The following LAMC2 variants were observed in gnomAD, a reference collection of about 807,000 sequenced individuals.
LAMC2 encodes laminin subunit gamma-2.
LAMC2 carries 97 observed loss-of-function variants against 140.2 expected under a neutral mutation model. That is an observed-to-expected ratio of 0.69 (90% confidence interval 0.59 to 0.82). The LOEUF is 0.82. Among genes scored for constraint, LAMC2 ranks in the 40% least tolerant of loss-of-function variants. LAMC2 has a pLI of 0.00. For synonymous variants in LAMC2, 513 were observed against 540.2 expected (o/e 0.95, Z 0.70); for missense variants, 1,402 against 1,476.1 (o/e 0.95, Z 0.82).
At chr1:183,191,687 G>A (rs111563298) in intron 1 of LAMC2, among the ~76,000 whole-genome samples, 3,256 of 152,082 alleles carry the variant, frequency 0.021, 98 homozygotes, top group African/African-American at 0.073. Flanking sequence ...GTGAAACCCT[G>A]TCTCTACTAA....
At position 183,220,912 on chromosome 1, in the gene LAMC2, C is replaced by T. The variant is rs2102219984; in HGVS notation, c.591C>T (p.Arg197=). 5 of 1,614,048 alleles carry T rather than the reference C, an allele frequency of 3.1e-6. No individual in the cohort carries two copies. The highest frequency in any genetic ancestry group is 4.2e-6 in the Non-Finnish European group (5 of 1,179,888). The part of the protein sequence containing the change: ...CFCYGHSASC[R]SSAEYSVHKI... ...GCTATGGGCATTCAGCCAGCTGCCG[C>T]AGCTCTGCAGAATACAGTGTCCATA... Residue 197 remains arginine (R), a synonymous_variant, in exon 5 of 23, where the codon CGC becomes CGT. Coordinates refer to ENST00000264144, the MANE Select transcript of LAMC2 (RefSeq NM_005562.3).
At chr1:183,205,800 G>C (rs1005419619) in intron 1 of LAMC2, among the ~76,000 whole-genome samples, 2 of 135,928 alleles carry the variant, frequency 1.5e-5, no homozygotes, top group African/African-American at 4.9e-5. Flanking sequence ...AAAGAGAGTA[G>C]GGGTGTGTGT....
chr1:183,206,516 G>A (rs1010882892), intron 1 of LAMC2, among the ~76,000 whole-genome samples: 9 of 152,108 alleles, frequency 5.9e-5, no homozygotes, highest in East Asian at 1.9e-4. Context: ...ATGGTGGTGC[G>A]CACCTATAAT....
At chr1:183,218,242 T>G (rs1659338893) in intron 3 of LAMC2, 148 bp from the exon 4 acceptor site, 1 of 695,236 alleles carries the variant, frequency 1.4e-6, no homozygotes, top group East Asian at 2.7e-5. Flanking sequence ...GTGAGAGAGG[T>G]CCGCACGGGC....
At chr1:183,224,105 G>A (rs1659556563) in intron 7 of LAMC2, among the ~76,000 whole-genome samples, 1 of 152,162 alleles carries the variant, frequency 6.6e-6, no homozygotes. Flanking sequence ...TGGGGTCTTG[G>A]AAAGTGCCCG....
chr1:183,196,939 A>T (rs1658538357), intron 1 of LAMC2, among the ~76,000 whole-genome samples: 1 of 152,212 alleles, frequency 6.6e-6, no homozygotes, highest in Non-Finnish European at 1.5e-5. Flanking sequence ...CGTTATATGA[A>T]ATTAGGCTGG....
chr1:183,198,899 T>C (rs374199664), intron 1 of LAMC2, among the ~76,000 whole-genome samples: 25 of 152,268 alleles, frequency 1.6e-4, no homozygotes, highest in African/African-American at 5.3e-4. Flanking sequence ...CTTAATCTCA[T>C]TGAAAATCTC....
chr1:183,258,795 C>T, the LAMC2 span, among the ~76,000 whole-genome samples: 2 of 152,034 alleles, frequency 1.3e-5, no homozygotes, highest in African/African-American at 4.8e-5. Context: ...GGCCCCCCAC[C>T]CAGGAACTGA....
intron 1 of LAMC2, among the ~76,000 whole-genome samples, chr1:183,203,498 T>G (rs2102187814): frequency 7.5e-6 from 1 of 133,860 alleles, no homozygotes; most frequent in Non-Finnish European, 1.6e-5. Context: ...TCACCCCTAG[T>G]AGCGAGAGTA....
chr1:183,243,670 A>T lies in LAMC2; in HGVS notation c.*270A>T, dbSNP rs1443057603. 5 of 513,090 alleles carry T rather than the reference A, an allele frequency of 9.7e-6. No individual in the cohort carries two copies. The highest frequency in any genetic ancestry group is 7.7e-5 in the African/African-American group (4 of 52,138). The allele number at this position is 513,090 out of a possible 1,614,324, so 31.8% of individuals were successfully genotyped here. Reference sequence around the variant, plus strand: ...GACCCCAAAGAATAGACTGGATGGAAAGACAAACTGCACAGGCAGATGTTT... The same window carrying T: ...GACCCCAAAGAATAGACTGGATGGATAGACAAACTGCACAGGCAGATGTTT... On this transcript the variant is annotated 3_prime_UTR_variant, in exon 23 of 23. Coordinates refer to ENST00000264144, the MANE Select transcript of LAMC2 (RefSeq NM_005562.3).
At chr1:183,248,530 G>A (rs1224412778), downstream of LAMC2, 1 of 152,348 alleles carries the variant, frequency 6.6e-6, no homozygotes, top group African/African-American at 2.4e-5. Flanking sequence ...TAAGGTTGAG[G>A]GAAAGAGCCG....
chr1:183,186,280 T>C lies in LAMC2; in HGVS notation c.-73T>C, dbSNP rs1312307952. The C allele has an allele frequency of 5.2e-6, 8 of 1,533,992 alleles. No homozygotes were observed. In the South Asian group the frequency reaches 7.1e-5, roughly 14 times the overall value. The stretch of plus-strand genomic sequence containing the variant: ...AAGGAAGGCACAGCGGAGCGCAGAG[T>C]GAGAACCACCAACCGAGGCGCCGGG... On this transcript the variant is annotated 5_prime_UTR_variant, in exon 1 of 23. Coordinates refer to ENST00000264144, the MANE Select transcript of LAMC2 (RefSeq NM_005562.3).
chr1:183,240,413 A>G, intron 22 of LAMC2, 22 bp downstream of exon 22: 1 of 1,613,992 alleles, frequency 6.2e-7, no homozygotes, highest in Non-Finnish European at 8.5e-7. Context: ...CACAACCCAC[A>G]ACCTTCCAGC....
intron 2 of LAMC2, among the ~76,000 whole-genome samples, chr1:183,210,601 A>C (rs1199850794): frequency 6.6e-6 from 1 of 152,254 alleles, no homozygotes; most frequent in African/African-American, 2.4e-5. Flanking sequence ...AAAGAAAAAA[A>C]AATCAGAATG....
chr1:183,253,080 A>G, the LAMC2 span, among the ~76,000 whole-genome samples: 4 of 152,068 alleles, frequency 2.6e-5, no homozygotes, highest in Non-Finnish European at 5.9e-5. Flanking sequence ...AAGCACTTAG[A>G]AGAGTGCCAG....
chr1:183,235,977 T>C (rs112338166), intron 16 of LAMC2, among the ~76,000 whole-genome samples: 100 of 152,298 alleles, frequency 6.6e-4, no homozygotes, highest in African/African-American at 2.4e-3. Flanking sequence ...GGAGGTATGG[T>C]CACCCTCTGG....
intron 2 of LAMC2, among the ~76,000 whole-genome samples, chr1:183,210,822 A>G (rs76034704): frequency 0.045 from 6,856 of 152,316 alleles, 515 homozygotes; most frequent in African/African-American, 0.15. Context: ...TCCAAACTGC[A>G]GAGGCTGAAA....
chr1:183,192,402 A>G (rs1658366909), intron 1 of LAMC2, among the ~76,000 whole-genome samples: 1 of 152,244 alleles, frequency 6.6e-6, no homozygotes, highest in Non-Finnish European at 1.5e-5. Flanking sequence ...GGCATTTCAT[A>G]CAAAGTATTT....
intron 9 of LAMC2, among the ~76,000 whole-genome samples, 170 bp downstream of exon 9, chr1:183,227,086 A>C (rs1659649743): frequency 6.6e-6 from 1 of 152,198 alleles, no homozygotes; most frequent in African/African-American, 2.4e-5. Flanking sequence ...AATCCTCTTC[A>C]CTGTGGAAAT....
Sources: gnomAD v4.1 joint callset for allele counts (sites outside exome capture counted in the v4.1 genomes callset) on GRCh38, gnomAD v4.1.1 for gene constraint, MANE v1.5 for transcripts, NCBI Gene and HGNC (gene_info 2026-07-23, HGNC 2026-07-21) for gene names.